The following SEMA3A variants were observed in gnomAD, a reference collection of about 807,000 sequenced individuals.
SEMA3A encodes the protein semaphorin 3A, also known as semaphorin-3A.
Under a neutral mutation model 97.9 loss-of-function variants are expected in SEMA3A, and 29 were observed. That is an observed-to-expected ratio of 0.30 (90% CI 0.22 to 0.40). SEMA3A has a LOEUF of 0.40. Ranked by LOEUF, SEMA3A falls within the 10% of genes least tolerant of loss-of-function variation. The pLI, the probability that SEMA3A is intolerant of heterozygous loss-of-function variation, is 1.00. For missense variants in SEMA3A, 763 were observed against 951.3 expected, an observed-to-expected ratio of 0.80 and a Z score of 2.60; for synonymous variants, 321 against 323.7, an observed-to-expected ratio of 0.99 and a Z score of 0.09.
chr7:84,283,943 A>G (rs746826547), intron 3 of SEMA3A, among the ~76,000 whole-genome samples: 2 of 152,144 alleles, frequency 1.3e-5, no homozygotes, highest in Non-Finnish European at 2.9e-5. Context: ...TGGACAATCA[A>G]TTATTTAAGA....
At chr7:83,976,171 G>A (rs184440624) in intron 15 of SEMA3A, among the ~76,000 whole-genome samples, 173 of 152,220 alleles carry the variant, frequency 1.1e-3, no homozygotes, top group African/African-American at 3.9e-3. Flanking sequence ...CTGAATTTTA[G>A]AAAGTAAGTT....
chr7:84,174,024 G>A (rs1005864978), intron 1 of SEMA3A, among the ~76,000 whole-genome samples: 2 of 152,108 alleles, frequency 1.3e-5, no homozygotes, highest in African/African-American at 4.8e-5. Context: ...CATTAGCACT[G>A]AGGTGTGACT....
intron 2 of SEMA3A, among the ~76,000 whole-genome samples, chr7:84,320,887 T>C (rs1266201353): frequency 1.3e-5 from 2 of 152,158 alleles, no homozygotes. Flanking sequence ...ATTGTGATTT[T>C]CATGTAAAAT....
intron 3 of SEMA3A, among the ~76,000 whole-genome samples, chr7:84,265,328 C>T (rs1330324392): frequency 6.6e-6 from 1 of 151,580 alleles, no homozygotes; most frequent in Non-Finnish European, 1.5e-5. Context: ...ACCCCTGGAA[C>T]TGCTCCTTAA....
chr7:84,008,417 C>T (rs561738231), intron 9 of SEMA3A, among the ~76,000 whole-genome samples: 2 of 144,594 alleles, frequency 1.4e-5, no homozygotes, highest in East Asian at 4.2e-4. Flanking sequence ...TGTGAGCCGG[C>T]GAGGTAGAGC....
rs915523416 is a variant in SEMA3A at position 84,134,906 on chromosome 7, T to C, written c.158A>G (p.Asn53Ser). 3 of 1,614,042 alleles carry C rather than the reference T, an allele frequency of 1.9e-6. No homozygotes were observed. Among genetic ancestry groups the C allele is most frequent in the Non-Finnish European group, 2.5e-6 (3 of 1,179,964 alleles). ...NNVITFNGLA[N>S]SSSYHTFLLD... ...AAGGAAGGTATGATAACTGGAGCTGTTGGCCAAGCCATTGAAAGTGATCAC... is the reference window on the plus strand; with the variant it reads ...AAGGAAGGTATGATAACTGGAGCTGCTGGCCAAGCCATTGAAAGTGATCAC... The change falls in exon 2 of 17, where the codon AAC (asparagine) becomes AGC (serine). Residue 53 changes from asparagine (N) to serine (S), a missense_variant. Transcript: ENST00000265362.
chr7:84,227,706 T>A (rs1034027877), intron 3 of SEMA3A, among the ~76,000 whole-genome samples: 2 of 152,074 alleles, frequency 1.3e-5, no homozygotes, highest in African/African-American at 4.8e-5. Context: ...CTTTACTATG[T>A]AGGACCACCT....
At chr7:84,184,322 AG>A (rs1797813789) in intron 1 of SEMA3A, among the ~76,000 whole-genome samples, 1 of 152,204 alleles carries the variant, frequency 6.6e-6, no homozygotes, top group South Asian at 2.1e-4. Context: ...TGTACTGACT[AG>A]GCACCTTGGG....
chr7:84,210,246 T>TA, intron 3 of SEMA3A, among the ~76,000 whole-genome samples: 1 of 152,048 alleles, frequency 6.6e-6, no homozygotes, highest in Non-Finnish European at 1.5e-5. Flanking sequence ...TACATAAAAA[T>TA]AAAAAACAAA....
intron 1 of SEMA3A, among the ~76,000 whole-genome samples, chr7:84,465,267 T>C (rs1259577216): frequency 6.6e-6 from 1 of 152,148 alleles, no homozygotes; most frequent in African/African-American, 2.4e-5. Context: ...TCAAACTGGA[T>C]AAGGATTGAC....
At chr7:84,121,114 A>G (rs79480803) in intron 3 of SEMA3A, among the ~76,000 whole-genome samples, 1 of 152,046 alleles carries the variant, frequency 6.6e-6, no homozygotes, top group South Asian at 2.1e-4. Context: ...AGAGGGAGAC[A>G]CTCTGTTTCC....
rs1192193890 is a variant in SEMA3A, at chr7:83,960,059, G to A, written c.*1312C>T. On this transcript the variant is annotated 3_prime_UTR_variant, in exon 17 of 17. Transcript: ENST00000265362. ...TTGTACAAATAATTGTCTTAAATAA[G>A]GAAAGGTAAGAGGCACCTGATACAG... 6.6e-6 allele frequency: 1 copy of A among 151,954 alleles called. No individual in the cohort carries two copies. Among genetic ancestry groups the A allele is most frequent in the Admixed American group, 6.6e-5 (1 of 15,250 alleles). The allele number at this position is 151,954 out of a possible 1,614,324, so 9.4% of individuals were successfully genotyped here.
chr7:84,145,618 TA>T (rs1796440851), intron 1 of SEMA3A, among the ~76,000 whole-genome samples: 3 of 152,186 alleles, frequency 2.0e-5, no homozygotes, highest in Admixed American at 2.0e-4. Flanking sequence ...AAATGGCTAA[TA>T]TTTTTTCATT....
chr7:84,001,330 C>T (rs1017185587), intron 12 of SEMA3A, among the ~76,000 whole-genome samples: 10 of 151,720 alleles, frequency 6.6e-5, no homozygotes, highest in Non-Finnish European at 1.0e-4. Flanking sequence ...CCCTCTCACC[C>T]GTACCCCCAT....
At chr7:84,028,558 A>G (rs1023777447) in intron 6 of SEMA3A, among the ~76,000 whole-genome samples, 1 of 152,078 alleles carries the variant, frequency 6.6e-6, no homozygotes, top group Non-Finnish European at 1.5e-5. Context: ...GCTATATGCT[A>G]TAGAATTACT....
intron 1 of SEMA3A, among the ~76,000 whole-genome samples, chr7:84,375,030 A>AT (rs1204093850): frequency 3.3e-5 from 5 of 151,820 alleles, no homozygotes; most frequent in African/African-American, 1.2e-4. Context: ...TTTATTTTTT[A>AT]TTTTTTTGAG....
intron 1 of SEMA3A, among the ~76,000 whole-genome samples, chr7:84,474,684 C>G (rs1324497301): frequency 2.0e-5 from 3 of 152,052 alleles, no homozygotes; most frequent in Non-Finnish European, 4.4e-5. Context: ...TGAGGCACAT[C>G]ATAAACTGTT....
chr7:84,126,721 A>G (rs916490650), intron 3 of SEMA3A, among the ~76,000 whole-genome samples: 24 of 152,272 alleles, frequency 1.6e-4, no homozygotes, highest in African/African-American at 5.5e-4. Context: ...TTGTTCAATT[A>G]TACTTTTAGC....
chr7:84,266,193 C>G (rs1799996810), intron 3 of SEMA3A, among the ~76,000 whole-genome samples: 1 of 151,324 alleles, frequency 6.6e-6, no homozygotes. Flanking sequence ...TAGTGGTGCA[C>G]TCCTGTAATC....
Sources: allele counts gnomAD v4.1 joint callset (sites outside exome capture counted in the v4.1 genomes callset), GRCh38; gene constraint gnomAD v4.1.1; transcripts MANE v1.5; gene names NCBI Gene and HGNC (gene_info 2026-07-23, HGNC 2026-07-21).